CECR2: variants seen among roughly 807,000 people sequenced by gnomAD.
The protein encoded by CECR2 is chromatin remodeling regulator CECR2.
In CECR2, 30 loss-of-function variants were observed where a neutral mutation model predicts 154.5. The observed-to-expected ratio is 0.19, with a 90% CI of 0.15 to 0.26. The LOEUF (loss-of-function observed/expected upper bound fraction) is 0.26, where lower values mean the gene tolerates loss of function less well. CECR2 is among the 10% of genes least tolerant of loss of function. The pLI is 1.00. For synonymous variants in CECR2, 725 were observed against 683.7 expected, an observed-to-expected ratio of 1.06 and a Z score of -0.94; for missense variants, 1,743 against 1,829.3, an observed-to-expected ratio of 0.95 and a Z score of 0.86.
chr22:17,397,688 G>A (rs902046707), intron 1 of CECR2, among the ~76,000 whole-genome samples: 2 of 151,804 alleles, frequency 1.3e-5, no homozygotes, highest in Non-Finnish European at 2.9e-5. Context: ...TAGTAGAAAC[G>A]GGGTTTCACT....
chr22:17,519,701 G>C (rs1430642817), intron 8 of CECR2, among the ~76,000 whole-genome samples: 1 of 151,936 alleles, frequency 6.6e-6, no homozygotes, highest in African/African-American at 2.4e-5. Context: ...ATATTAGTAA[G>C]ATTTAGGTTA....
chr22:17,497,342 C>A, intron 2 of CECR2, 61 bp from the exon 3 acceptor site: 1 of 1,489,708 alleles, frequency 6.7e-7, no homozygotes, highest in Admixed American at 2.2e-5. Flanking sequence ...TCTCTCTCTC[C>A]TTCTCCCAAC....
At chr22:17,421,651 G>C (rs898408549) in intron 1 of CECR2, among the ~76,000 whole-genome samples, 1 of 130,436 alleles carries the variant, frequency 7.7e-6, no homozygotes, top group Non-Finnish European at 1.6e-5. Context: ...AAATTAGCCA[G>C]GCATGGTGGC....
At chr22:17,396,863 G>A (rs2053819771) in intron 1 of CECR2, among the ~76,000 whole-genome samples, 2 of 152,202 alleles carry the variant, frequency 1.3e-5, no homozygotes, top group African/African-American at 2.4e-5. Context: ...AGGACGTGAA[G>A]TAGAAAGGAT....
chr22:17,538,539 T>G lies in CECR2; in HGVS notation c.1258T>G (p.Phe420Val). 1 of 1,613,878 alleles carries G rather than the reference T, an allele frequency of 6.2e-7. No individual in the cohort carries two copies. The highest frequency in any genetic ancestry group is 8.5e-7 in the Non-Finnish European group (1 of 1,179,762). The change falls in exon 11 of 19, where the codon TTC becomes GTC. Residue 420 changes from phenylalanine to valine, a missense_variant. By Grantham distance (50) the Phe-to-Val change is conservative (BLOSUM62 -1). Coordinates refer to ENST00000262608, the MANE Select transcript of CECR2 (RefSeq NM_001290047.2). ...TTACAGCTTTGAGTTGGATGATGAT[T>G]TCACTGCTATGTATAAAGGTTAGTT... ...TKDLFELDDD[F>V]TAMYKVLDVV...
rs1354380386 is a variant in CECR2, at chr22:17,373,273, G to C, written c.126+3364G>C. Among the ~76,000 whole-genome samples, 5 of 152,042 alleles carry C rather than the reference G, an allele frequency of 3.3e-5. No homozygotes were observed. In the East Asian group the frequency reaches 9.6e-4, roughly 29 times the overall value. On this transcript the variant is annotated intron_variant, in intron 1 of 18. Coordinates refer to ENST00000262608, the MANE Select transcript of CECR2 (RefSeq NM_001290047.2). Reference sequence around the variant, plus strand: ...ACTTTTTACTCTATTAATCAACCTTGAATATACAGGATTGCTTTAGAAGAG... The same window carrying C: ...ACTTTTTACTCTATTAATCAACCTTCAATATACAGGATTGCTTTAGAAGAG...
chr22:17,380,855 GAACA>G (rs1433749111), intron 1 of CECR2, among the ~76,000 whole-genome samples: 18 of 152,184 alleles, frequency 1.2e-4, no homozygotes, highest in South Asian at 8.3e-4. Flanking sequence ...TCCTTTTAAT[GAACA>G]GCCCTACCCT....
At chr22:17,370,557 C>G (rs1031560689) in intron 1 of CECR2, among the ~76,000 whole-genome samples, 6 of 152,262 alleles carry the variant, frequency 3.9e-5, no homozygotes, top group African/African-American at 1.4e-4. Context: ...TCCTTCCTCC[C>G]GTAATATCCA....
chr22:17,425,775 CACTT>C (rs1397612348), intron 1 of CECR2, among the ~76,000 whole-genome samples: 2 of 152,008 alleles, frequency 1.3e-5, no homozygotes, highest in African/African-American at 2.4e-5. Context: ...AGGAGGTTAA[CACTT>C]AATTAAATGA....
At chr22:17,403,850 TTTAA>T (rs1411856506) in intron 1 of CECR2, among the ~76,000 whole-genome samples, 1 of 152,208 alleles carries the variant, frequency 6.6e-6, no homozygotes, top group African/African-American at 2.4e-5. Flanking sequence ...AGATTTACCA[TTTAA>T]GTCTGTGCTT....
At chr22:17,523,308 G>A (rs553342332) in intron 8 of CECR2, among the ~76,000 whole-genome samples, 1 of 151,826 alleles carries the variant, frequency 6.6e-6, no homozygotes, top group East Asian at 1.9e-4. Flanking sequence ...CACTTGAACT[G>A]GGAGGCAGAG....
chr22:17,471,475 T>G (rs922054657), intron 1 of CECR2, among the ~76,000 whole-genome samples: 1 of 152,212 alleles, frequency 6.6e-6, no homozygotes, highest in East Asian at 1.9e-4. Flanking sequence ...TTTCCAACTT[T>G]CGCAGTGCTC....
At chr22:17,494,185 TC>T (rs754250934) in intron 2 of CECR2, among the ~76,000 whole-genome samples, 6 of 152,228 alleles carry the variant, frequency 3.9e-5, no homozygotes, top group Admixed American at 2.0e-4. Context: ...AACCTCTGCC[TC>T]CCGGGTTCAA....
chr22:17,444,111 T>C (rs552373586), intron 1 of CECR2, among the ~76,000 whole-genome samples: 1 of 152,300 alleles, frequency 6.6e-6, no homozygotes, highest in African/African-American at 2.4e-5. Flanking sequence ...GGTTAGTCGG[T>C]CTGTGGTCTC....
In CECR2 at chr22:17,558,068, A is replaced by G. The variant is rs2056794283; in HGVS notation, c.*5228A>G. The G allele has an allele frequency of 1.3e-5, 2 of 152,254 alleles. No homozygotes were observed. Among genetic ancestry groups the G allele is most frequent in the African/African-American group, 4.8e-5 (2 of 41,472 alleles). The allele number at this position is 152,254 out of a possible 1,614,324, so 9.4% of individuals were successfully genotyped here. A position where few individuals can be genotyped will look rare whatever the true frequency, so the allele number is the denominator to read the frequency against. ...ATAATTTTTTAAAAGAACTTTTTAA[A>G]AAGCTTTTTGATCCTTGGAGGTCTG... is the stretch of plus-strand genomic sequence containing the variant. On this transcript the variant is annotated 3_prime_UTR_variant, in exon 19 of 19. Coordinates refer to ENST00000262608, the MANE Select transcript of CECR2 (RefSeq NM_001290047.2).
intron 13 of CECR2, 66 bp from the exon 14 acceptor site, chr22:17,540,346 A>G: frequency 7.4e-7 from 1 of 1,359,770 alleles, no homozygotes; most frequent in Non-Finnish European, 9.7e-7. Context: ...GTTTCTATAA[A>G]CTATAGTTTC....
chr22:17,453,612 A>G (rs748729697), intron 1 of CECR2, among the ~76,000 whole-genome samples: 1 of 152,226 alleles, frequency 6.6e-6, no homozygotes, highest in African/African-American at 2.4e-5. Context: ...TTATTACTGT[A>G]TATAAAAAGG....
At position 17,552,965 on chromosome 22, in the gene CECR2, C is replaced by A; in HGVS notation, c.*125C>A. On this transcript the variant is annotated 3_prime_UTR_variant, in exon 19 of 19. Transcript: ENST00000262608. ...CTCCACCCCTTCACGGCGACCCACT[C>A]GTGCCATACTTGAGCTGGAGCCAGT... The A allele has an allele frequency of 6.7e-7, 1 of 1,497,232 alleles. No homozygotes were observed. Among genetic ancestry groups the A allele is most frequent in the South Asian group, 1.3e-5 (1 of 76,204 alleles). The allele number at this position is 1,497,232 out of a possible 1,614,324, so 92.7% of individuals were successfully genotyped here. A position where few individuals can be genotyped will look rare whatever the true frequency, so the allele number is the denominator to read the frequency against.
chr22:17,505,527 CTT>C (rs66856687), intron 7 of CECR2, among the ~76,000 whole-genome samples: 13,236 of 130,062 alleles, frequency 0.1, 846 homozygotes, highest in Non-Finnish European at 0.14. Flanking sequence ...CCTTCATCCT[CTT>C]TTTCCTTTTT....
Sources: gnomAD v4.1 joint callset for allele counts (sites outside exome capture counted in the v4.1 genomes callset) on GRCh38, gnomAD v4.1.1 for gene constraint, MANE v1.5 for transcripts, NCBI Gene and HGNC (gene_info 2026-07-23, HGNC 2026-07-21) for gene names.